The following RBFOX3 variants were observed in gnomAD, a reference collection of about 807,000 sequenced individuals.
RBFOX3 encodes RNA binding protein fox-1 homolog 3.
A neutral mutation model predicts 48.7 loss-of-function variants in RBFOX3; 17 were observed. That is an observed-to-expected ratio of 0.35 (90% CI 0.24 to 0.52). The LOEUF (loss-of-function observed/expected upper bound fraction) is 0.52, where lower values mean the gene tolerates loss of function less well. Among genes scored for constraint, RBFOX3 ranks in the 20% least tolerant of loss-of-function variants. The pLI, the probability that RBFOX3 is intolerant of heterozygous loss-of-function variation, is 0.94. For missense variants in RBFOX3, 382 were observed against 497.5 expected (o/e 0.77, Z 2.21); for synonymous variants, 212 against 209.5 (o/e 1.01, Z -0.10).
At chr17:79,273,984 C>T (rs1023060148) in intron 3 of RBFOX3, among the ~76,000 whole-genome samples, 1 of 152,168 alleles carries the variant, frequency 6.6e-6, no homozygotes, top group African/African-American at 2.4e-5. Flanking sequence ...CAGGTGTGCC[C>T]CAGATTAGTG....
At chr17:79,098,579 C>T (rs1055337040) in intron 9 of RBFOX3, 5 of 152,294 alleles carry the variant, frequency 3.3e-5, no homozygotes, top group African/African-American at 9.6e-5. Flanking sequence ...CCCAGCCTCT[C>T]CCTTCCTGCA....
chr17:79,624,221 G>A, the RBFOX3 span, among the ~76,000 whole-genome samples: 1 of 152,150 alleles, frequency 6.6e-6, no homozygotes, highest in Non-Finnish European at 1.5e-5. Flanking sequence ...AACCACCCCA[G>A]TACAGCTTCC....
chr17:79,120,417 G>A (rs2035380671), intron 4 of RBFOX3, among the ~76,000 whole-genome samples: 1 of 150,996 alleles, frequency 6.6e-6, no homozygotes, highest in South Asian at 2.1e-4. Flanking sequence ...ATTAAAGGGT[G>A]GGTAGATGAG....
chr17:79,579,072 T>A (rs2092957751), intron 1 of RBFOX3, among the ~76,000 whole-genome samples: 1 of 152,172 alleles, frequency 6.6e-6, no homozygotes, highest in Non-Finnish European at 1.5e-5. Flanking sequence ...CCTCTTCCCT[T>A]CTGAACAGGA....
chr17:79,650,177 G>T, the RBFOX3 span, among the ~76,000 whole-genome samples: 1 of 152,164 alleles, frequency 6.6e-6, no homozygotes, highest in Non-Finnish European at 1.5e-5. Flanking sequence ...ACAACTGATG[G>T]TGAATTATCC....
intron 4 of RBFOX3, among the ~76,000 whole-genome samples, chr17:79,230,004 C>T (rs9904772): frequency 0.68 from 103,949 of 152,008 alleles, 35,969 homozygotes; most frequent in East Asian, 0.87. Flanking sequence ...TGGGTATGTC[C>T]GACTCAGCTG....
At chr17:79,275,633 C>A (rs1036434065) in intron 3 of RBFOX3, among the ~76,000 whole-genome samples, 1 of 152,214 alleles carries the variant, frequency 6.6e-6, no homozygotes, top group Non-Finnish European at 1.5e-5. Flanking sequence ...GCCAGCACAC[C>A]ACTGTGCCTG....
At chr17:79,587,877 C>T (rs1289173794) in intron 1 of RBFOX3, among the ~76,000 whole-genome samples, 1 of 152,140 alleles carries the variant, frequency 6.6e-6, no homozygotes, top group Non-Finnish European at 1.5e-5. Flanking sequence ...TGGGCTCTCA[C>T]CCAGGCTGGA....
At chr17:79,507,929 C>T (rs2083413741) in intron 1 of RBFOX3, among the ~76,000 whole-genome samples, 1 of 152,236 alleles carries the variant, frequency 6.6e-6, no homozygotes, top group Non-Finnish European at 1.5e-5. Flanking sequence ...CACACTCCAG[C>T]ATCTGCCACC....
the RBFOX3 span, among the ~76,000 whole-genome samples, chr17:79,643,835 AAG>A: frequency 4.1e-4 from 62 of 152,326 alleles, no homozygotes; most frequent in East Asian, 4.2e-3. Context: ...TATATTAAAA[AAG>A]ACGTTCTCAA....
rs190019670 is a variant in RBFOX3 at position 79,413,503 on chromosome 17, C to G, written c.-175+68951G>C. 6.4e-3 allele frequency among the ~76,000 whole-genome samples: 979 copies of G among 152,358 alleles called. 2 individuals carry two copies. The highest frequency in any genetic ancestry group is 0.01 in the Non-Finnish European group (712 of 68,030). The stretch of plus-strand genomic sequence containing the variant: ...GGAATCCCTGGAGCCACAGCATCCC[C>G]GCTCCCACCCAGGAGGCTCAGGCCG... On this transcript the variant is annotated intron_variant, in intron 2 of 14. Coordinates refer to ENST00000693108, the MANE Select transcript of RBFOX3 (RefSeq NM_001350451.2).
chr17:79,410,051 C>T (rs773466542), intron 2 of RBFOX3, among the ~76,000 whole-genome samples: 7 of 152,208 alleles, frequency 4.6e-5, no homozygotes, highest in African/African-American at 1.4e-4. Context: ...CCTTATTTCC[C>T]GCCTGCTCCT....
intron 4 of RBFOX3, among the ~76,000 whole-genome samples, chr17:79,154,172 G>A (rs977449751): frequency 1.4e-5 from 2 of 141,284 alleles, no homozygotes; most frequent in African/African-American, 5.4e-5. Flanking sequence ...ACCAGAGTCT[G>A]TGTTCAGTTC....
intron 2 of RBFOX3, among the ~76,000 whole-genome samples, chr17:79,380,549 A>G (rs1324619847): frequency 2.0e-4 from 31 of 152,166 alleles, no homozygotes; most frequent in Admixed American, 1.8e-3. Flanking sequence ...CCTTTCCTAG[A>G]TGCTGAGCCA....
At chr17:79,408,923 C>T (rs977444450) in intron 2 of RBFOX3, among the ~76,000 whole-genome samples, 1 of 152,154 alleles carries the variant, frequency 6.6e-6, no homozygotes, top group Non-Finnish European at 1.5e-5. Flanking sequence ...CTGTCTCTAT[C>T]AACTTCAAAA....
At chr17:79,121,015 G>A (rs2035608475) in intron 4 of RBFOX3, among the ~76,000 whole-genome samples, 1 of 152,064 alleles carries the variant, frequency 6.6e-6, no homozygotes, top group Non-Finnish European at 1.5e-5. Context: ...CGACCTGAAT[G>A]TTGATTTCAC....
At chr17:79,323,380 C>T (rs1251183522) in intron 2 of RBFOX3, among the ~76,000 whole-genome samples, 1 of 152,202 alleles carries the variant, frequency 6.6e-6, no homozygotes, top group Non-Finnish European at 1.5e-5. Flanking sequence ...GGGATGGATG[C>T]TCTCCCAAGT....
intron 2 of RBFOX3, among the ~76,000 whole-genome samples, chr17:79,413,937 C>T (rs2148630807): frequency 6.6e-6 from 1 of 151,360 alleles, no homozygotes; most frequent in East Asian, 2.0e-4. Context: ...GTGGCGTGGG[C>T]TCTGGGGGTA....
chr17:79,517,793 C>T (rs1209860043), intron 1 of RBFOX3, among the ~76,000 whole-genome samples: 4 of 152,120 alleles, frequency 2.6e-5, no homozygotes, highest in African/African-American at 9.7e-5. Flanking sequence ...AGGAAATTTC[C>T]GCTTCTGAGA....
Sources: allele counts gnomAD v4.1 joint callset (sites outside exome capture counted in the v4.1 genomes callset), GRCh38; gene constraint gnomAD v4.1.1; transcripts MANE v1.5; gene names NCBI Gene and HGNC (gene_info 2026-07-23, HGNC 2026-07-21).